The following GALNTL6 variants were observed in gnomAD, a reference collection of about 807,000 sequenced individuals.
GALNTL6 encodes polypeptide N-acetylgalactosaminyltransferase-like 6.
Under a neutral mutation model 73.7 loss-of-function variants are expected in GALNTL6, and 46 were observed. That is an observed-to-expected ratio of 0.62 (90% CI 0.49 to 0.80). The LOEUF (loss-of-function observed/expected upper bound fraction) is 0.80. Ranked by LOEUF, GALNTL6 falls within the 30% of genes least tolerant of loss-of-function variation. GALNTL6 has a pLI of 0.00. For missense variants in GALNTL6, 604 were observed against 755.0 expected, an observed-to-expected ratio of 0.80 and a Z score of 2.34; for synonymous variants, 259 against 263.7, an observed-to-expected ratio of 0.98 and a Z score of 0.17.
At chr4:172,821,178 G>C (rs116213512) in intron 7 of GALNTL6, among the ~76,000 whole-genome samples, 1,687 of 152,334 alleles carry the variant, frequency 0.011, 34 homozygotes, top group African/African-American at 0.039. Flanking sequence ...ATGGGTTAAA[G>C]TAGATACTGT....
At position 172,372,152 on chromosome 4, in the gene GALNTL6, A is replaced by T. The variant is rs141573884; in HGVS notation, c.553+23463A>T. Among the ~76,000 whole-genome samples the T allele has an allele frequency of 5.7e-3, 862 of 152,260 alleles. 8 individuals carry two copies. The highest frequency in any genetic ancestry group is 0.019 in the African/African-American group (806 of 41,550). ...ACCCTTCGTATCCTATTCTCCACAA[A>T]TGAGCTTCCATCGGTATATAGGTTA... On this transcript the variant is annotated intron_variant, in intron 5 of 12. Coordinates refer to ENST00000506823, the MANE Select transcript of GALNTL6 (RefSeq NM_001034845.3).
intron 5 of GALNTL6, among the ~76,000 whole-genome samples, chr4:172,639,385 C>A (rs1739855265): frequency 2.0e-5 from 3 of 151,992 alleles, no homozygotes; most frequent in Admixed American, 6.6e-5. Flanking sequence ...TTATAATTAC[C>A]CCTTGCCTAT....
chr4:172,245,131 A>T (rs1737578804), intron 3 of GALNTL6, among the ~76,000 whole-genome samples: 1 of 152,176 alleles, frequency 6.6e-6, no homozygotes, highest in South Asian at 2.1e-4. Flanking sequence ...AATTGATTTT[A>T]TGTCTACCAT....
chr4:172,484,985 T>C (rs1733618850), intron 5 of GALNTL6, among the ~76,000 whole-genome samples: 1 of 152,146 alleles, frequency 6.6e-6, no homozygotes, highest in African/African-American at 2.4e-5. Flanking sequence ...GCATTTTTAA[T>C]ATAAAGAGCA....
intron 5 of GALNTL6, among the ~76,000 whole-genome samples, chr4:172,480,510 A>C (rs1157312148): frequency 1.3e-5 from 2 of 152,200 alleles, no homozygotes; most frequent in East Asian, 3.8e-4. Flanking sequence ...CTACGATGTA[A>C]AAGACAAAAT....
At chr4:172,885,658 A>G (rs1261056059) in intron 8 of GALNTL6, among the ~76,000 whole-genome samples, 4 of 152,070 alleles carry the variant, frequency 2.6e-5, no homozygotes, top group Non-Finnish European at 4.4e-5. Flanking sequence ...AAGGCTTTCA[A>G]TTTTCCCCCT....
chr4:172,165,327 G>T (rs915941663), intron 2 of GALNTL6, among the ~76,000 whole-genome samples: 2 of 152,110 alleles, frequency 1.3e-5, no homozygotes, highest in Non-Finnish European at 2.9e-5. Context: ...GAAACTCAGA[G>T]AAGTAGAAAG....
At chr4:172,675,956 G>A (rs911189759) in intron 5 of GALNTL6, among the ~76,000 whole-genome samples, 2 of 152,146 alleles carry the variant, frequency 1.3e-5, no homozygotes, top group Non-Finnish European at 1.5e-5. Flanking sequence ...AAGAGTTAAA[G>A]TTTAAAATCT....
intron 3 of GALNTL6, among the ~76,000 whole-genome samples, chr4:172,292,113 G>A (rs542287064): frequency 2.6e-5 from 4 of 152,108 alleles, no homozygotes; most frequent in Admixed American, 1.3e-4. Context: ...CATGTATTGT[G>A]TATCAAGTGT....
At chr4:172,172,705 G>A (rs1734870786) in intron 2 of GALNTL6, among the ~76,000 whole-genome samples, 1 of 152,122 alleles carries the variant, frequency 6.6e-6, no homozygotes, top group Non-Finnish European at 1.5e-5. Flanking sequence ...AGCACAGCAA[G>A]CAAACTAACA....
At chr4:172,102,565 G>T (rs892150813) in intron 2 of GALNTL6, among the ~76,000 whole-genome samples, 3 of 143,382 alleles carry the variant, frequency 2.1e-5, no homozygotes, top group Non-Finnish European at 1.5e-5. Flanking sequence ...TAATAACAAG[G>T]CCAAGTATTC....
At chr4:172,355,035 G>A (rs757189995) in intron 5 of GALNTL6, among the ~76,000 whole-genome samples, 2 of 151,876 alleles carry the variant, frequency 1.3e-5, no homozygotes, top group Admixed American at 6.6e-5. Flanking sequence ...TTTTAAGCAG[G>A]TGCTCATTTT....
intron 5 of GALNTL6, among the ~76,000 whole-genome samples, chr4:172,496,499 G>A (rs1734076315): frequency 6.6e-6 from 1 of 151,908 alleles, no homozygotes; most frequent in African/African-American, 2.4e-5. Flanking sequence ...ACACAAACCT[G>A]GGCAACATAG....
intron 5 of GALNTL6, among the ~76,000 whole-genome samples, chr4:172,454,659 A>T (rs464000): frequency 0.85 from 128,954 of 151,718 alleles, 54,882 homozygotes; most frequent in South Asian, 0.87. Context: ...GTACCCTGCC[A>T]CTCCACTGTC....
intron 8 of GALNTL6, among the ~76,000 whole-genome samples, chr4:172,920,184 C>A (rs1747724788): frequency 6.6e-6 from 1 of 152,188 alleles, no homozygotes. Context: ...ACTATAAACA[C>A]ATTTCTAACT....
At chr4:172,275,501 C>G (rs1359083063) in intron 3 of GALNTL6, among the ~76,000 whole-genome samples, 5 of 152,132 alleles carry the variant, frequency 3.3e-5, no homozygotes, top group Admixed American at 6.5e-5. Context: ...AATGATAGTA[C>G]CTACCTTAGG....
At chr4:172,033,020 G>A (rs527348143) in intron 2 of GALNTL6, among the ~76,000 whole-genome samples, 1 of 151,960 alleles carries the variant, frequency 6.6e-6, no homozygotes, top group South Asian at 2.1e-4. Context: ...GTTAACTCTT[G>A]AACCTCCTGT....
intron 5 of GALNTL6, among the ~76,000 whole-genome samples, chr4:172,726,189 G>T (rs1295204334): frequency 1.3e-5 from 2 of 152,210 alleles, no homozygotes; most frequent in Admixed American, 6.5e-5. Flanking sequence ...TGATCAGCTA[G>T]CGAGGCTCTC....
chr4:171,845,987 T>C (rs1485457620), intron 2 of GALNTL6, among the ~76,000 whole-genome samples: 1 of 152,178 alleles, frequency 6.6e-6, no homozygotes, highest in Non-Finnish European at 1.5e-5. Context: ...TCACTGTAAA[T>C]TAGGTTTCAG....
Sources: gnomAD v4.1 joint callset for allele counts (sites outside exome capture counted in the v4.1 genomes callset) on GRCh38, gnomAD v4.1.1 for gene constraint, MANE v1.5 for transcripts, NCBI Gene and HGNC (gene_info 2026-07-23, HGNC 2026-07-21) for gene names.